Variants in AGBL4 observed in about 807,000 individuals in gnomAD.
The protein encoded by AGBL4 is AGBL carboxypeptidase 4, also known as cytosolic carboxypeptidase 6.
AGBL4 carries 58 observed loss-of-function variants against 66.4 expected under a neutral mutation model. That is an observed-to-expected ratio of 0.87 (90% CI 0.71 to 1.09). AGBL4 has a LOEUF of 1.09. AGBL4 is among the 50% of genes least tolerant of loss of function. The pLI is 0.00. For missense variants in AGBL4, 579 were observed against 631.0 expected, an observed-to-expected ratio of 0.92 and a Z score of 0.88; for synonymous variants, 234 against 222.9, an observed-to-expected ratio of 1.05 and a Z score of -0.44.
At chr1:49,813,923 A>T (rs962229597) in intron 2 of AGBL4, among the ~76,000 whole-genome samples, 1 of 152,100 alleles carries the variant, frequency 6.6e-6, no homozygotes, top group African/African-American at 2.4e-5. Context: ...TCATGCGGGC[A>T]GGTCTTTCCC....
intron 6 of AGBL4, among the ~76,000 whole-genome samples, chr1:48,693,406 G>A (rs1240381843): frequency 6.6e-6 from 1 of 152,190 alleles, no homozygotes; most frequent in Admixed American, 6.5e-5. Flanking sequence ...TGCTCCCAGA[G>A]TCCTTGACCC....
chr1:48,767,324 T>C (rs369799022), intron 6 of AGBL4, among the ~76,000 whole-genome samples: 7 of 152,190 alleles, frequency 4.6e-5, no homozygotes, highest in South Asian at 2.1e-4. Context: ...TTTCTTGTCA[T>C]AGATGTTCAA....
intron 3 of AGBL4, among the ~76,000 whole-genome samples, chr1:49,497,094 G>T (rs1013444391): frequency 6.6e-6 from 1 of 151,886 alleles, no homozygotes; most frequent in African/African-American, 2.4e-5. Flanking sequence ...ATATTTCATT[G>T]TGGTTTTAAT....
chr1:48,552,225 G>A (rs1274430159), intron 11 of AGBL4, among the ~76,000 whole-genome samples: 5 of 152,090 alleles, frequency 3.3e-5, no homozygotes, highest in East Asian at 3.9e-4. Flanking sequence ...CACCATGCCC[G>A]GCTAATTTTT....
intron 1 of AGBL4, among the ~76,000 whole-genome samples, chr1:49,989,592 C>T (rs1172430728): frequency 3.9e-5 from 6 of 152,100 alleles, no homozygotes; most frequent in African/African-American, 1.4e-4. Flanking sequence ...CTCAAAAATG[C>T]CCATAATTGA....
chr1:49,298,975 C>T (rs541857344), intron 3 of AGBL4, among the ~76,000 whole-genome samples: 2 of 152,214 alleles, frequency 1.3e-5, no homozygotes, highest in Admixed American at 6.5e-5. Context: ...CAGTTACTTG[C>T]TTTATCATCA....
chr1:49,703,536 A>T (rs1647140868), intron 2 of AGBL4, among the ~76,000 whole-genome samples: 1 of 152,076 alleles, frequency 6.6e-6, no homozygotes, highest in African/African-American at 2.4e-5. Context: ...AAAAAAAAAA[A>T]ACACTTCCAT....
At chr1:48,705,194 T>C (rs1482431311) in intron 6 of AGBL4, among the ~76,000 whole-genome samples, 1 of 152,122 alleles carries the variant, frequency 6.6e-6, no homozygotes, top group African/African-American at 2.4e-5. Flanking sequence ...ACTTTAAACT[T>C]CTATATTAAT....
intron 3 of AGBL4, among the ~76,000 whole-genome samples, chr1:49,344,772 TA>T (rs1645606483): frequency 1.3e-5 from 2 of 152,324 alleles, no homozygotes; most frequent in South Asian, 4.1e-4. Flanking sequence ...TATATTAATG[TA>T]AATCTGGCCT....
In AGBL4 at chr1:49,208,306, T is replaced by C. The variant is rs549803895; in HGVS notation, c.377+37464A>G. Among the ~76,000 whole-genome samples the C allele has an allele frequency of 2.0e-5, 3 of 152,130 alleles. No individual in the cohort carries two copies. In the East Asian group the frequency reaches 5.8e-4, roughly 30 times the overall value. On this transcript the variant is annotated intron_variant, in intron 4 of 13. Coordinates refer to ENST00000371839, the MANE Select transcript of AGBL4 (RefSeq NM_032785.4). ...CTATACTGTCACACTAAAAATTGAT[T>C]TTTTTTCTTAATGATTCTGATGATT... is the stretch of plus-strand genomic sequence containing the variant.
At chr1:49,512,038 T>C (rs1276617090) in intron 3 of AGBL4, among the ~76,000 whole-genome samples, 2 of 151,976 alleles carry the variant, frequency 1.3e-5, no homozygotes, top group Non-Finnish European at 2.9e-5. Flanking sequence ...GTTTGCAGGG[T>C]GCTATGTACA....
intron 6 of AGBL4, among the ~76,000 whole-genome samples, chr1:48,734,097 A>G (rs1648616958): frequency 6.6e-6 from 1 of 152,070 alleles, no homozygotes; most frequent in Non-Finnish European, 1.5e-5. Context: ...TCTCAGGGTG[A>G]CCTCCCAAAT....
chr1:49,469,007 T>C (rs1362414901), intron 3 of AGBL4, among the ~76,000 whole-genome samples: 1 of 151,806 alleles, frequency 6.6e-6, no homozygotes, highest in South Asian at 2.1e-4. Context: ...TTGTTTGTCA[T>C]GGTATTTCAG....
At chr1:49,434,969 C>G (rs1337068420) in intron 3 of AGBL4, among the ~76,000 whole-genome samples, 1 of 152,062 alleles carries the variant, frequency 6.6e-6, no homozygotes, top group Non-Finnish European at 1.5e-5. Flanking sequence ...GGCACAAGTT[C>G]TTCTTTCCAC....
chr1:48,765,419 C>T (rs796601741), intron 6 of AGBL4, among the ~76,000 whole-genome samples: 5 of 152,210 alleles, frequency 3.3e-5, no homozygotes, highest in African/African-American at 1.2e-4. Flanking sequence ...AGGAAAATAA[C>T]AAGAGTAAAG....
At chr1:49,503,012 T>G (rs535267798) in intron 3 of AGBL4, among the ~76,000 whole-genome samples, 2 of 152,132 alleles carry the variant, frequency 1.3e-5, no homozygotes, top group Non-Finnish European at 2.9e-5. Flanking sequence ...CCAGGGCATG[T>G]CACAGACCTT....
At chr1:49,970,935 C>A (rs139927964) in intron 1 of AGBL4, among the ~76,000 whole-genome samples, 126 of 152,214 alleles carry the variant, frequency 8.3e-4, no homozygotes, top group African/African-American at 3.0e-3. Flanking sequence ...AAGTGTAAGC[C>A]TCTTTAACGC....
At chr1:48,623,901 T>A (rs1645456517) in intron 9 of AGBL4, among the ~76,000 whole-genome samples, 1 of 152,160 alleles carries the variant, frequency 6.6e-6, no homozygotes, top group Non-Finnish European at 1.5e-5. Flanking sequence ...GTTTGGTAAC[T>A]GAGAAGAGGT....
chr1:49,254,214 A>G (rs973738354), intron 3 of AGBL4, among the ~76,000 whole-genome samples: 2 of 152,118 alleles, frequency 1.3e-5, no homozygotes, highest in African/African-American at 4.8e-5. Flanking sequence ...ATAGAAGGAG[A>G]AAGAGTCCAT....
Sources: allele counts gnomAD v4.1 joint callset (sites outside exome capture counted in the v4.1 genomes callset), GRCh38; gene constraint gnomAD v4.1.1; transcripts MANE v1.5; gene names NCBI Gene and HGNC (gene_info 2026-07-23, HGNC 2026-07-21).